PNKD: variants seen among roughly 807,000 people sequenced by gnomAD.
PNKD encodes the protein probable thioesterase PNKD.
In PNKD, 36 loss-of-function variants were observed where a neutral mutation model predicts 45.3. That is an observed-to-expected ratio of 0.80 (90% CI 0.61 to 1.05). The LOEUF is 1.05. Ranked by LOEUF, PNKD falls within the 50% of genes least tolerant of loss-of-function variation. The pLI, the probability that PNKD is intolerant of heterozygous loss-of-function variation, is 0.00. For missense variants in PNKD, 511 were observed against 506.6 expected (o/e 1.01, Z -0.08); for synonymous variants, 197 against 210.1 (o/e 0.94, Z 0.54).
At chr2:218,314,222 C>CTTTTTTT (rs386392656) in intron 2 of PNKD, among the ~76,000 whole-genome samples, 1,283 of 67,702 alleles carry the variant, frequency 0.019, 295 homozygotes, top group African/African-American at 0.08. Flanking sequence ...CGCGCCCTGG[C>CTTTTTTT]TTTTTTTTTT....
intron 2 of PNKD, among the ~76,000 whole-genome samples, chr2:218,308,336 C>T (rs1693480499): frequency 6.6e-6 from 1 of 151,392 alleles, no homozygotes; most frequent in South Asian, 2.1e-4. Flanking sequence ...ATTCAGGCAC[C>T]CGCCACTACA....
At chr2:218,315,961 C>A (rs1478440534) in intron 2 of PNKD, among the ~76,000 whole-genome samples, 2 of 152,232 alleles carry the variant, frequency 1.3e-5, no homozygotes, top group Non-Finnish European at 2.9e-5. Flanking sequence ...GCTGATCTAG[C>A]TTGGGCTCTG....
rs143843659 is a variant in PNKD at position 218,332,550 on chromosome 2, T to C, written c.237-7233T>C. ...GGCTGCTCTCCCCTTCCCTTCCTCCTTCCCCATCTCAGCCCTGCCTTCTCC... is the reference window on the plus strand; with the variant it reads ...GGCTGCTCTCCCCTTCCCTTCCTCCCTCCCCATCTCAGCCCTGCCTTCTCC... On this transcript the variant is annotated intron_variant, in intron 2 of 9. Coordinates refer to ENST00000273077, the MANE Select transcript of PNKD (RefSeq NM_015488.5). Among the ~76,000 whole-genome samples, 315 of 152,148 alleles carry C rather than the reference T, an allele frequency of 2.1e-3. 1 individual carries two copies. Among genetic ancestry groups the C allele is most frequent in the African/African-American group, 7.4e-3 (305 of 41,492 alleles).
At position 218,305,605 on chromosome 2, in the gene PNKD, G is replaced by A. The variant is rs149811974; in HGVS notation, c.236+34056G>A. 5.1e-3 allele frequency among the ~76,000 whole-genome samples: 780 copies of A among 151,732 alleles called. 8 individuals are homozygous for A. The highest frequency in any genetic ancestry group is 0.018 in the African/African-American group (742 of 41,344). Reference sequence around the variant, plus strand: ...AGACAATTTTCCGATCCATCATCCCGCCTTGGCCTTCCAAAGTGCTGGGAT... The same window carrying A: ...AGACAATTTTCCGATCCATCATCCCACCTTGGCCTTCCAAAGTGCTGGGAT... On this transcript the variant is annotated intron_variant, in intron 2 of 9. Coordinates refer to ENST00000273077, the MANE Select transcript of PNKD (RefSeq NM_015488.5).
intron 2 of PNKD, chr2:218,292,527 C>G (rs947431691): frequency 6.6e-6 from 1 of 152,054 alleles, no homozygotes. Context: ...CGGGGCCGGG[C>G]AGGGCTAGGC....
chr2:218,283,877 A>G lies in PNKD; in HGVS notation c.236+12328A>G, dbSNP rs566556598. On this transcript the variant is annotated intron_variant, in intron 2 of 9. Transcript: ENST00000273077. ...AGGGCAAGAATGTCAGGTCAGAAAT[A>G]CAAAGCTGGCAGGGTGCGGTAACTC... Among the ~76,000 whole-genome samples the G allele has an allele frequency of 1.1e-3, 165 of 152,268 alleles. 1 individual carries two copies. The highest frequency in any genetic ancestry group is 3.6e-3 in the African/African-American group (151 of 41,538).
chr2:218,275,620 A>T, intron 2 of PNKD: 2 of 1,609,784 alleles, frequency 1.2e-6, no homozygotes, highest in Non-Finnish European at 1.7e-6. Context: ...GTAAGCCAGG[A>T]ACTGCAAGGA....
intron 2 of PNKD, among the ~76,000 whole-genome samples, chr2:218,295,233 AATT>A (rs1355606604): frequency 2.0e-5 from 3 of 152,182 alleles, no homozygotes; most frequent in Admixed American, 2.0e-4. Context: ...TTATCTGCAA[AATT>A]ATTAAGTAAG....
intron 2 of PNKD, among the ~76,000 whole-genome samples, chr2:218,294,942 C>T (rs181234680): frequency 1.3e-5 from 2 of 152,340 alleles, no homozygotes; most frequent in East Asian, 1.9e-4. Flanking sequence ...CAGGCCCCTT[C>T]TCCAGAAAAC....
chr2:218,290,888 T>C (rs1692888004), intron 2 of PNKD, among the ~76,000 whole-genome samples: 1 of 152,208 alleles, frequency 6.6e-6, no homozygotes, highest in Admixed American at 6.5e-5. Flanking sequence ...CATGTCATGA[T>C]CAGACATGTT....
At position 218,277,129 on chromosome 2, in the gene PNKD, CAG is replaced by C. The variant is rs748511896; in HGVS notation, c.236+5582_236+5583del. 5.6e-6 allele frequency: 9 copies of C among 1,597,114 alleles called. No homozygotes were observed. The African/African-American group carries it at 1.1e-4, about 19-fold the overall frequency. On this transcript the variant is annotated intron_variant, in intron 2 of 9. Transcript: ENST00000273077. ...CAGGAAGCAAGAAAGAGGCACCTGT[CAG>C]ATGGCTGTGACAACCAGCCCAGTCA...
At chr2:218,338,591 A>AC (rs1456617867) in intron 2 of PNKD, among the ~76,000 whole-genome samples, 5 of 151,838 alleles carry the variant, frequency 3.3e-5, no homozygotes, top group Middle Eastern at 3.4e-3. Flanking sequence ...ACAAACTGAG[A>AC]CCCCATCTCT....
At chr2:218,331,972 C>T (rs1419981548) in intron 2 of PNKD, among the ~76,000 whole-genome samples, 1 of 152,086 alleles carries the variant, frequency 6.6e-6, no homozygotes, top group Non-Finnish European at 1.5e-5. Flanking sequence ...GGGTTTCCGC[C>T]CTTTCACTCT....
chr2:218,315,877 C>A (rs780304033), intron 2 of PNKD, among the ~76,000 whole-genome samples: 31 of 152,232 alleles, frequency 2.0e-4, no homozygotes, highest in Non-Finnish European at 4.4e-4. Context: ...GCATAAGAAG[C>A]CAGTTCAAAA....
intron 2 of PNKD, among the ~76,000 whole-genome samples, chr2:218,335,351 C>T (rs571605764): frequency 1.4e-4 from 22 of 151,926 alleles, no homozygotes; most frequent in African/African-American, 5.3e-4. Context: ...CGTGGTGTCG[C>T]ATGCCTGTAA....
intron 1 of PNKD, 180 bp downstream of exon 1, chr2:218,270,782 G>A: frequency 4.9e-6 from 2 of 410,820 alleles, no homozygotes; most frequent in Non-Finnish European, 8.8e-6. Flanking sequence ...CCCCGCCTTC[G>A]GGTTGCTCGA....
chr2:218,272,861 C>T, intron 2 of PNKD: 1 of 1,602,528 alleles, frequency 6.2e-7, no homozygotes, highest in Non-Finnish European at 8.5e-7. Context: ...GCGCATGAAG[C>T]CCAGGCTGTT....
chr2:218,279,976 C>T lies in PNKD; in HGVS notation c.236+8427C>T, dbSNP rs780100953. On this transcript the variant is annotated intron_variant, in intron 2 of 9. Transcript: ENST00000273077. Reference sequence around the variant, plus strand: ...ACTGTGGCCTACCCACTTCCCATTCCCACAGCCTGAGGGGCCCCAGGTACA... The same window carrying T: ...ACTGTGGCCTACCCACTTCCCATTCTCACAGCCTGAGGGGCCCCAGGTACA... 25 of 1,459,510 alleles carry T rather than the reference C, an allele frequency of 1.7e-5. No homozygotes were observed. In the South Asian group the frequency reaches 2.6e-4, roughly 15 times the overall value. 90.4% of individuals were successfully genotyped at this position (1,459,510 alleles called of 1,614,324 possible). A position where few individuals can be genotyped will look rare whatever the true frequency, so the allele number is the denominator to read the frequency against.
intron 2 of PNKD, among the ~76,000 whole-genome samples, chr2:218,329,554 C>T (rs558800210): frequency 5.9e-5 from 9 of 152,342 alleles, no homozygotes; most frequent in African/African-American, 1.9e-4. Context: ...CCTCCCCTTC[C>T]GTCAGTGACA....
Sources: allele counts gnomAD v4.1 joint callset (sites outside exome capture counted in the v4.1 genomes callset), GRCh38; gene constraint gnomAD v4.1.1; transcripts MANE v1.5; gene names NCBI Gene and HGNC (gene_info 2026-07-23, HGNC 2026-07-21).